Variants in MAGI1 observed in about 807,000 individuals in gnomAD.
MAGI1 encodes the protein membrane associated guanylate kinase, WW and PDZ domain containing 1.
MAGI1 carries 58 observed loss-of-function variants against 139.9 expected under a neutral mutation model. The observed-to-expected ratio is 0.41, with a 90% CI of 0.34 to 0.52. MAGI1 has a LOEUF of 0.52. Among genes scored for constraint, MAGI1 ranks in the 20% least tolerant of loss-of-function variants. The pLI is 0.12. For missense variants in MAGI1, 1,874 were observed against 1,901.6 expected, an observed-to-expected ratio of 0.99 and a Z score of 0.27; for synonymous variants, 812 against 737.9, an observed-to-expected ratio of 1.10 and a Z score of -1.63.
chr3:65,435,367 T>G (rs1947760863), intron 10 of MAGI1, among the ~76,000 whole-genome samples: 1 of 152,194 alleles, frequency 6.6e-6, no homozygotes, highest in Admixed American at 6.5e-5. Context: ...GTTGGTGCAC[T>G]AAGCATTTGG....
intron 1 of MAGI1, among the ~76,000 whole-genome samples, chr3:65,966,067 T>C (rs2064724616): frequency 6.6e-6 from 1 of 152,198 alleles, no homozygotes; most frequent in Non-Finnish European, 1.5e-5. Context: ...TCCTCAAAAC[T>C]TCCATGTATG....
At chr3:65,687,980 A>G in intron 1 of MAGI1, 1 of 810,814 alleles carries the variant, frequency 1.2e-6, no homozygotes, top group Admixed American at 1.8e-5. Context: ...TCATCAGACT[A>G]CTGAAGGACT....
At chr3:65,439,467 G>C (rs1297395899) in intron 9 of MAGI1, among the ~76,000 whole-genome samples, 1 of 152,052 alleles carries the variant, frequency 6.6e-6, no homozygotes. Flanking sequence ...AAAACTACCA[G>C]CTCTTTCTGA....
At chr3:65,586,206 T>C (rs1237879814) in intron 2 of MAGI1, among the ~76,000 whole-genome samples, 1 of 150,790 alleles carries the variant, frequency 6.6e-6, no homozygotes, top group Non-Finnish European at 1.5e-5. Flanking sequence ...AGAGACCCTG[T>C]CTAAAAAAAA....
rs932614767 is a variant in MAGI1, at chr3:65,978,427, A to G, written c.313+59569T>C. 1.1e-4 allele frequency among the ~76,000 whole-genome samples: 17 copies of G among 152,072 alleles called. 1 individual carries two copies. Among genetic ancestry groups the G allele is most frequent in the Admixed American group, 8.5e-4 (13 of 15,268 alleles). ...CTCACTGCTGAATCTCCAGGAGCCT[A>G]GAATGCTTGGAAGAGAAGGCCAGGG... On this transcript the variant is annotated intron_variant, in intron 1 of 22. Coordinates refer to ENST00000402939, the MANE Select transcript of MAGI1 (RefSeq NM_001033057.2).
chr3:65,412,460 C>T (rs1020982757), intron 12 of MAGI1, among the ~76,000 whole-genome samples: 1 of 152,178 alleles, frequency 6.6e-6, no homozygotes, highest in Non-Finnish European at 1.5e-5. Flanking sequence ...ACCTTGTTTA[C>T]TTGTCTATTA....
chr3:65,885,695 T>C (rs2060503013), intron 1 of MAGI1, among the ~76,000 whole-genome samples: 1 of 152,196 alleles, frequency 6.6e-6, no homozygotes, highest in Non-Finnish European at 1.5e-5. Flanking sequence ...CCTGCCACCA[T>C]GTAAGACTTG....
chr3:65,882,864 G>A (rs912604062), intron 1 of MAGI1, among the ~76,000 whole-genome samples: 2 of 151,068 alleles, frequency 1.3e-5, no homozygotes, highest in South Asian at 2.1e-4. Flanking sequence ...GAGCCCAGGA[G>A]GTTGAGGCTG....
At chr3:65,952,925 T>G (rs1362036596) in intron 1 of MAGI1, among the ~76,000 whole-genome samples, 3 of 151,978 alleles carry the variant, frequency 2.0e-5, no homozygotes, top group African/African-American at 7.3e-5. Context: ...TCATAACACT[T>G]ACCATGTGCA....
intron 12 of MAGI1, among the ~76,000 whole-genome samples, chr3:65,419,205 T>C (rs1185492929): frequency 3.0e-5 from 2 of 67,714 alleles, no homozygotes; most frequent in South Asian, 7.2e-4. Context: ...GGGAAATACA[T>C]TTTATAACAC....
intron 1 of MAGI1, among the ~76,000 whole-genome samples, chr3:65,987,429 A>AGC (rs756143934): frequency 1.7e-4 from 26 of 152,292 alleles, no homozygotes; most frequent in Non-Finnish European, 2.8e-4. Flanking sequence ...TGGCATATGA[A>AGC]GCTAAGATGT....
At chr3:65,667,623 G>A (rs1258716143) in intron 1 of MAGI1, among the ~76,000 whole-genome samples, 2 of 152,128 alleles carry the variant, frequency 1.3e-5, no homozygotes, top group Non-Finnish European at 2.9e-5. Flanking sequence ...CCGGGCTGGT[G>A]CACAGTGGTG....
chr3:65,768,060 T>C (rs2037633021), intron 1 of MAGI1, among the ~76,000 whole-genome samples: 1 of 152,198 alleles, frequency 6.6e-6, no homozygotes, highest in African/African-American at 2.4e-5. Flanking sequence ...TTTTGTGTTT[T>C]AACACAACCA....
At chr3:65,841,340 T>C (rs2058796484) in intron 1 of MAGI1, among the ~76,000 whole-genome samples, 1 of 152,096 alleles carries the variant, frequency 6.6e-6, no homozygotes, top group Non-Finnish European at 1.5e-5. Flanking sequence ...CTCCTCGTCT[T>C]CTAGTTTCTT....
rs576291012 is a variant in MAGI1, at chr3:65,504,760, T to A, written c.431-11129A>T. Among the ~76,000 whole-genome samples, 4 of 152,202 alleles carry A rather than the reference T, an allele frequency of 2.6e-5. No individual in the cohort carries two copies. The South Asian group carries it at 8.3e-4, about 32-fold the overall frequency. On this transcript the variant is annotated intron_variant, in intron 2 of 22. Transcript: ENST00000402939. ...ACCTAAACTGTCAGGAACTATGTCT[T>A]ACTGCCTCTTAACCAGAATACTGAG...
intron 9 of MAGI1, among the ~76,000 whole-genome samples, chr3:65,437,863 C>T (rs1575742555): frequency 6.6e-6 from 1 of 152,080 alleles, no homozygotes. Flanking sequence ...TCTAACACTA[C>T]CAAGTTTCAT....
intron 1 of MAGI1, among the ~76,000 whole-genome samples, chr3:65,784,340 C>T (rs1001525808): frequency 6.6e-5 from 10 of 152,118 alleles, no homozygotes; most frequent in African/African-American, 2.2e-4. Context: ...GAAACTAGTA[C>T]GTGGATATTC....
intron 21 of MAGI1, among the ~76,000 whole-genome samples, chr3:65,362,252 T>G (rs375440784): frequency 1.1e-4 from 16 of 152,332 alleles, no homozygotes; most frequent in African/African-American, 3.6e-4. Context: ...AAACCTGTCA[T>G]GTAAACTATA....
At chr3:66,036,916 G>T (rs1212412904) in intron 1 of MAGI1, among the ~76,000 whole-genome samples, 2 of 152,156 alleles carry the variant, frequency 1.3e-5, no homozygotes, top group Admixed American at 1.3e-4. Flanking sequence ...GTACCAAAGT[G>T]AGATGTAAGG....
Sources: gnomAD v4.1 joint callset for allele counts (sites outside exome capture counted in the v4.1 genomes callset) on GRCh38, gnomAD v4.1.1 for gene constraint, MANE v1.5 for transcripts, NCBI Gene and HGNC (gene_info 2026-07-23, HGNC 2026-07-21) for gene names.